PARP4: variants seen among roughly 807,000 people sequenced by gnomAD.
PARP4 encodes the protein protein mono-ADP-ribosyltransferase PARP4.
Under a neutral mutation model 187.7 loss-of-function variants are expected in PARP4, and 120 were observed. The ratio of observed to expected loss-of-function variants is 0.64; its 90% CI spans 0.55 to 0.74. The LOEUF (loss-of-function observed/expected upper bound fraction) is 0.74, where lower values mean the gene tolerates loss of function less well. Among genes scored for constraint, PARP4 ranks in the 30% least tolerant of loss-of-function variants. The probability of loss-of-function intolerance (pLI) is 0.00; values close to 1 mark genes in which losing one functional copy is unlikely to be tolerated. For synonymous variants in PARP4, 654 were observed against 740.9 expected, an observed-to-expected ratio of 0.88 and a Z score of 1.90; for missense variants, 1,836 against 2,070.5, an observed-to-expected ratio of 0.89 and a Z score of 2.20.
At chr13:24,498,080 C>G (rs1286872812) in intron 6 of PARP4, 36 bp downstream of exon 6, 1 of 1,398,428 alleles carries the variant, frequency 7.2e-7, no homozygotes, top group East Asian at 2.3e-5. Flanking sequence ...GAACAGAGGT[C>G]AGTAAACACA....
chr13:24,423,252 C>CA (rs1363066318), intron 33 of PARP4, among the ~76,000 whole-genome samples: 2 of 151,944 alleles, frequency 1.3e-5, no homozygotes, highest in Non-Finnish European at 2.9e-5. Context: ...AAATAAAATA[C>CA]AAAAAATAGG....
At chr13:24,447,742 G>C (rs775880384) in intron 25 of PARP4, among the ~76,000 whole-genome samples, 5 of 152,210 alleles carry the variant, frequency 3.3e-5, no homozygotes, top group Non-Finnish European at 7.3e-5. Flanking sequence ...TTACTAATAT[G>C]CAGCCTTGGT....
At chr13:24,509,361 G>T (rs1869874933) in intron 1 of PARP4, among the ~76,000 whole-genome samples, 1 of 151,976 alleles carries the variant, frequency 6.6e-6, no homozygotes, top group Non-Finnish European at 1.5e-5. Flanking sequence ...ACAAAACTTA[G>T]CTGGGCAAGG....
chr13:24,434,449 T>C lies in PARP4; in HGVS notation c.4692A>G (p.Ile1564Met). Residue 1564 changes from isoleucine (I) to methionine (M), a missense_variant, in exon 31 of 34, where the codon ATA becomes ATG. Transcript: ENST00000381989. ...AAGGCACAGCATCCTGCCAGTGTTG[T>C]ATGCACACTATTTCATCCTCTTCTT... ...EVKEEDEIVC[I>M]QHWQDAVPWT... 6.2e-7 allele frequency: 1 copy of C among 1,603,396 alleles called. No homozygotes were observed. The highest frequency in any genetic ancestry group is 8.5e-7 in the Non-Finnish European group (1 of 1,172,794).
intron 17 of PARP4, 115 bp downstream of exon 17, chr13:24,468,907 CTG>C (rs1872611177): frequency 1.3e-6 from 1 of 749,460 alleles, no homozygotes; most frequent in Non-Finnish European, 2.3e-6. Flanking sequence ...AAGTGGAACT[CTG>C]GGGCCTACAA....
intron 30 of PARP4, among the ~76,000 whole-genome samples, chr13:24,439,007 T>C (rs1870781575): frequency 7.5e-6 from 1 of 132,964 alleles, no homozygotes; most frequent in Admixed American, 7.5e-5. Flanking sequence ...ACATAAACTT[T>C]CAAGTCATCA....
chr13:24,452,445 C>G lies in PARP4; in HGVS notation c.2975G>C (p.Arg992Thr). 1 of 1,613,998 alleles carries G rather than the reference C, an allele frequency of 6.2e-7. No individual in the cohort carries two copies. Among genetic ancestry groups the G allele is most frequent in the Non-Finnish European group, 8.5e-7 (1 of 1,179,960 alleles). The change falls in exon 24 of 34, where the codon AGG becomes ACG. Residue 992 changes from arginine to threonine, a missense_variant. Arg to Thr is a moderately conservative substitution (Grantham distance 71). Transcript: ENST00000381989. ...GAATAACCTGGTGTGCGGGCGGCTC[C>G]TCTTCACGAGCTGTAATGTCAGGCT... ...DESLTLQLVK[R>T]SRPHTRLFAC...
chr13:24,510,426 T>C lies in PARP4; in HGVS notation c.-2+2280A>G, dbSNP rs544244909. ...AAAATTAGCCGGGCGTAGTGGCGGG[T>C]GCCTGTAGTCCCAGCTACTTGGGAG... is the stretch of plus-strand genomic sequence containing the variant. On this transcript the variant is annotated intron_variant, in intron 1 of 33. Coordinates refer to ENST00000381989, the MANE Select transcript of PARP4 (RefSeq NM_006437.4). 8.0e-3 allele frequency among the ~76,000 whole-genome samples: 1,172 copies of C among 146,186 alleles called. 16 individuals carry two copies. Among genetic ancestry groups the C allele is most frequent in the African/African-American group, 0.026 (996 of 38,118 alleles).
intron 32 of PARP4, among the ~76,000 whole-genome samples, chr13:24,428,076 T>C (rs58513841): frequency 0.011 from 1,740 of 151,836 alleles, 27 homozygotes; most frequent in African/African-American, 0.04. Flanking sequence ...TAAAAACAAG[T>C]CAGAGAAAAA....
At position 24,478,140 on chromosome 13, in the gene PARP4, T is replaced by C; in HGVS notation, c.1585A>G (p.Ser529Gly). The C allele has an allele frequency of 6.2e-7, 1 of 1,612,278 alleles. No homozygotes were observed. ...GCTGTTTGCGAAACTCCATGCACAC[T>C]GTCGTAGCCTGGTGGTGCTTCAGTT... is the stretch of plus-strand genomic sequence containing the variant. The part of the protein sequence containing the change: ...SLTEAPPGYD[S>G]VHGVSQTASV... The change falls in exon 13 of 34, where the codon AGT (serine) becomes GGT (glycine). Residue 529 changes from serine (S) to glycine (G), a missense_variant. This residue lies in a region of PARP4 where 1,147 missense variants were observed against 1,214.2 expected (regional missense o/e 0.94). Transcript: ENST00000381989.
intron 15 of PARP4, among the ~76,000 whole-genome samples, chr13:24,472,891 G>GTTTTTTT (rs3978786): frequency 9.1e-6 from 1 of 109,574 alleles, no homozygotes; most frequent in African/African-American, 3.5e-5. Context: ...AACACCCTGA[G>GTTTTTTT]TTTTTTTTTT....
chr13:24,458,983 C>T (rs962302347), intron 20 of PARP4, 61 bp downstream of exon 20: 2 of 1,199,318 alleles, frequency 1.7e-6, no homozygotes, highest in Non-Finnish European at 2.5e-6. Context: ...GCATACATTG[C>T]TTTGATAAGA....
Position 24,499,317 on chromosome 13 carries a change from T to C in PARP4, c.461A>G (p.Tyr154Cys), listed in dbSNP as rs757094149. Residue 154 changes from tyrosine (Y) to cysteine (C), a missense_variant, in exon 5 of 34, where the codon TAT (tyrosine) becomes TGT (cysteine). By Grantham distance (194) the Tyr-to-Cys change is radical. Transcript: ENST00000381989. ...HLPQDFEVAK[Y>C]NTLEKVGMEG... ...GATTCTTACTTTCTCCAAGGTGTTATATTTTGCAACTTCAAAATCTTGAGG... is the reference window on the plus strand; with the variant it reads ...GATTCTTACTTTCTCCAAGGTGTTACATTTTGCAACTTCAAAATCTTGAGG... 7.0e-6 allele frequency: 11 copies of C among 1,577,320 alleles called. No individual in the cohort carries two copies. The highest frequency in any genetic ancestry group is 2.3e-5 in the East Asian group (1 of 43,256).
At chr13:24,425,539 GTGCA>G (rs1869987934) in intron 33 of PARP4, among the ~76,000 whole-genome samples, 1 of 91,512 alleles carries the variant, frequency 1.1e-5, no homozygotes, top group African/African-American at 5.4e-5. Flanking sequence ...GTATGCATGT[GTGCA>G]TGTGTGTGTG....
intron 33 of PARP4, among the ~76,000 whole-genome samples, chr13:24,424,640 T>G (rs1323302185): frequency 6.6e-6 from 1 of 151,842 alleles, no homozygotes; most frequent in Non-Finnish European, 1.5e-5. Context: ...CCTTAGGTAC[T>G]ATCCCACTAG....
Position 24,479,314 on chromosome 13 carries a change from T to C in PARP4, c.1449-1038A>G, listed in dbSNP as rs141035275. Among the ~76,000 whole-genome samples the C allele has an allele frequency of 1.2e-3, 190 of 152,272 alleles. 2 individuals are homozygous for C. Among genetic ancestry groups the C allele is most frequent in the African/African-American group, 4.3e-3 (179 of 41,552 alleles). ...TAAAATCCTCTCCCCTTTGGAGGGC[T>C]CTTTTCCTGCAACTTACAAGCATGC... On this transcript the variant is annotated intron_variant, in intron 12 of 33. Transcript: ENST00000381989.
In PARP4 at chr13:24,441,875, C is replaced by A; in HGVS notation, c.3637G>T (p.Gly1213Trp). The A allele has an allele frequency of 4.4e-6, 7 of 1,604,190 alleles. No homozygotes were observed. The highest frequency in any genetic ancestry group is 3.4e-5 in the South Asian group (3 of 89,518). The change falls in exon 30 of 34, where the codon GGG becomes TGG. Residue 1213 changes from glycine (G) to tryptophan (W), a missense_variant. Transcript: ENST00000381989. Reference sequence around the variant, plus strand: ...TTCCTGACGGCTTCTTGGGGCTCCCCCTGCCAGCTCATGTAGGGCAGGAAG... The same window carrying A: ...TTCCTGACGGCTTCTTGGGGCTCCCACTGCCAGCTCATGTAGGGCAGGAAG... ...VDFLPYMSWQ[G>W]EPQEAVRNQS...
chr13:24,448,255 C>A (rs1170010281), intron 25 of PARP4, among the ~76,000 whole-genome samples: 1 of 151,778 alleles, frequency 6.6e-6, no homozygotes, highest in Non-Finnish European at 1.5e-5. Flanking sequence ...AAACAAAAAA[C>A]AATAAGAAAA....
In PARP4 at chr13:24,456,353, T is replaced by G. The variant is rs1871851463; in HGVS notation, c.2550A>C (p.Glu850Asp). ...AAAAGGAGTATACCTCGCTTTCTTTTTCTGGATGTTTTTCAACCCACATTC... is the reference window on the plus strand; with the variant it reads ...AAAAGGAGTATACCTCGCTTTCTTTGTCTGGATGTTTTTCAACCCACATTC... ...LPRMWVEKHP[E>D]KESEACMLVF... Residue 850 changes from glutamate (E) to aspartate (D), a missense_variant, in exon 21 of 34, where the codon GAA (glutamate) becomes GAC (aspartate). Physicochemically the swap from Glu to Asp is conservative, Grantham distance 45. This residue lies in a region of PARP4 where 1,147 missense variants were observed against 1,214.2 expected (regional missense o/e 0.94). Coordinates refer to ENST00000381989, the MANE Select transcript of PARP4 (RefSeq NM_006437.4). 1.2e-6 allele frequency: 2 copies of G among 1,608,298 alleles called. No individual in the cohort carries two copies. Among genetic ancestry groups the G allele is most frequent in the Non-Finnish European group, 1.7e-6 (2 of 1,175,918 alleles).
Sources: gnomAD v4.1 joint callset for allele counts (sites outside exome capture counted in the v4.1 genomes callset) on GRCh38, gnomAD v4.1.1 for gene constraint, gnomAD v4.1.1 regional missense constraint, MANE v1.5 for transcripts, NCBI Gene and HGNC (gene_info 2026-07-23, HGNC 2026-07-21) for gene names.